CACNA2D1: variants seen among roughly 807,000 people sequenced by gnomAD.
CACNA2D1 encodes the protein calcium voltage-gated channel auxiliary subunit alpha2delta 1.
In CACNA2D1, 53 loss-of-function variants were observed where a neutral mutation model predicts 171.5. The ratio of observed to expected loss-of-function variants is 0.31; its 90% CI spans 0.25 to 0.39. The LOEUF is 0.39. Ranked by LOEUF, CACNA2D1 falls within the 10% of genes least tolerant of loss-of-function variation. The pLI, the probability that CACNA2D1 is intolerant of heterozygous loss-of-function variation, is 1.00. For missense variants in CACNA2D1, 903 were observed against 1,299.8 expected (o/e 0.69, Z 4.69); for synonymous variants, 442 against 443.1 (o/e 1.00, Z 0.03).
rs144098365 is a variant in CACNA2D1 at position 82,336,272 on chromosome 7, C to T, written c.178-1021G>A. On this transcript the variant is annotated intron_variant, in intron 2 of 38. Transcript: ENST00000356860. ...AGGTTCTACAGTATGATCCCAGCTGCGCACTGATAACACTGGTGAATACTG... is the reference window on the plus strand; with the variant it reads ...AGGTTCTACAGTATGATCCCAGCTGTGCACTGATAACACTGGTGAATACTG... Among the ~76,000 whole-genome samples the T allele has an allele frequency of 3.3e-3, 505 of 152,256 alleles. 16 individuals are homozygous for T. In the South Asian group the frequency reaches 0.077, roughly 23 times the overall value.
chr7:82,170,100 TATTC>T (rs1795860532), intron 4 of CACNA2D1, among the ~76,000 whole-genome samples: 1 of 151,926 alleles, frequency 6.6e-6, no homozygotes. Flanking sequence ...AAGTTGAATA[TATTC>T]ATTCTCACTT....
At chr7:82,119,418 T>C (rs1789458191) in intron 5 of CACNA2D1, among the ~76,000 whole-genome samples, 1 of 152,202 alleles carries the variant, frequency 6.6e-6, no homozygotes, top group African/African-American at 2.4e-5. Flanking sequence ...AAGCTAATGT[T>C]GGATGAGGAG....
At chr7:82,323,255 C>T (rs1476909229) in intron 3 of CACNA2D1, among the ~76,000 whole-genome samples, 1 of 150,962 alleles carries the variant, frequency 6.6e-6, no homozygotes, top group East Asian at 1.9e-4. Context: ...GGCGAGCTTG[C>T]TATGTTGTTA....
intron 3 of CACNA2D1, among the ~76,000 whole-genome samples, chr7:82,284,779 G>C (rs762117751): frequency 1.3e-5 from 2 of 152,066 alleles, no homozygotes; most frequent in Non-Finnish European, 2.9e-5. Flanking sequence ...TCCAATATAG[G>C]AGTTGTGGAG....
At chr7:82,071,797 T>C (rs1439661486) in intron 7 of CACNA2D1, among the ~76,000 whole-genome samples, 3 of 152,324 alleles carry the variant, frequency 2.0e-5, no homozygotes, top group East Asian at 3.9e-4. Context: ...AGCCATGTGA[T>C]CAAATTCTAG....
At chr7:82,001,682 T>G in intron 18 of CACNA2D1, 1 of 1,269,092 alleles carries the variant, frequency 7.9e-7, no homozygotes, top group Non-Finnish European at 1.0e-6. Flanking sequence ...CTCCTTTTTC[T>G]TAAATTAATT....
At chr7:82,234,813 A>T (rs1328546702) in intron 3 of CACNA2D1, among the ~76,000 whole-genome samples, 1 of 152,196 alleles carries the variant, frequency 6.6e-6, no homozygotes, top group Non-Finnish European at 1.5e-5. Flanking sequence ...TTCCCCATAC[A>T]TGTTACACAT....
At chr7:82,052,564 T>C (rs1000414158) in intron 10 of CACNA2D1, among the ~76,000 whole-genome samples, 1 of 152,134 alleles carries the variant, frequency 6.6e-6, no homozygotes, top group African/African-American at 2.4e-5. Context: ...AGACAGTATA[T>C]ACTCAAAATA....
At chr7:82,069,518 A>G (rs1808060949) in intron 7 of CACNA2D1, among the ~76,000 whole-genome samples, 1 of 152,158 alleles carries the variant, frequency 6.6e-6, no homozygotes, top group Non-Finnish European at 1.5e-5. Context: ...TACTAAATCT[A>G]CTGGTCTACC....
intron 3 of CACNA2D1, among the ~76,000 whole-genome samples, chr7:82,217,549 A>G (rs1801279522): frequency 1.3e-5 from 2 of 150,596 alleles, no homozygotes; most frequent in Admixed American, 1.3e-4. Flanking sequence ...GAAAATGTCA[A>G]GTAGAACTAT....
rs567549195 is a variant in CACNA2D1 at position 82,400,504 on chromosome 7, G to C, written c.95+42861C>G. On this transcript the variant is annotated intron_variant, in intron 1 of 38. Transcript: ENST00000356860. ...TGCTGGGAAAACTGGCTAGCCATAT[G>C]TAGAAAGCTAAAACTGGATCCCTTC... Among the ~76,000 whole-genome samples, 608 of 152,060 alleles carry C rather than the reference G, an allele frequency of 4.0e-3. 10 individuals are homozygous for C. Among genetic ancestry groups the C allele is most frequent in the African/African-American group, 0.013 (548 of 41,516 alleles).
intron 3 of CACNA2D1, among the ~76,000 whole-genome samples, chr7:82,278,740 T>C (rs1809691477): frequency 6.6e-6 from 1 of 152,016 alleles, no homozygotes; most frequent in Non-Finnish European, 1.5e-5. Flanking sequence ...ACCTACAAGA[T>C]TGTAATTGAA....
At chr7:82,412,954 T>C (rs569073539) in intron 1 of CACNA2D1, among the ~76,000 whole-genome samples, 1 of 152,128 alleles carries the variant, frequency 6.6e-6, no homozygotes, top group Non-Finnish European at 1.5e-5. Flanking sequence ...AAAGTGTTTA[T>C]AAGCCATTCA....
chr7:81,977,685 G>C (rs1013598673), intron 24 of CACNA2D1, among the ~76,000 whole-genome samples: 18 of 152,118 alleles, frequency 1.2e-4, no homozygotes, highest in African/African-American at 4.1e-4. Flanking sequence ...CATGGGCAAA[G>C]CCTTCATAAC....
intron 3 of CACNA2D1, among the ~76,000 whole-genome samples, chr7:82,188,734 AC>A (rs1798007091): frequency 6.6e-6 from 1 of 152,148 alleles, no homozygotes; most frequent in Non-Finnish European, 1.5e-5. Context: ...TCTTCACAGC[AC>A]TATTCATAAT....
rs138331326 is a variant in CACNA2D1, at chr7:81,950,414, C to T, written c.3254G>A (p.Gly1085Asp). Reference protein sequence around the residue: ...IQFLLLWLVSGSTHRLL With the variant: ...IQFLLLWLVSDSTHRLL ...AGGTCATAACAGGCGGTGTGTGCTGCCAGATACCAGCCAAAGTAGTAGAAA... is the reference window on the plus strand; with the variant it reads ...AGGTCATAACAGGCGGTGTGTGCTGTCAGATACCAGCCAAAGTAGTAGAAA... Residue 1085 changes from glycine (G) to aspartate (D), a missense_variant, in exon 39 of 39, where the codon GGC (glycine) becomes GAC (aspartate). Physicochemically the swap from Gly to Asp is moderately conservative, Grantham distance 94 (BLOSUM62 -1). Transcript: ENST00000356860. 2.0e-5 allele frequency: 32 copies of T among 1,612,996 alleles called. No homozygotes were observed. The highest frequency in any genetic ancestry group is 2.6e-5 in the Non-Finnish European group (31 of 1,179,564).
intron 3 of CACNA2D1, among the ~76,000 whole-genome samples, chr7:82,278,337 G>A (rs1809624128): frequency 6.6e-6 from 1 of 152,028 alleles, no homozygotes; most frequent in Admixed American, 6.5e-5. Flanking sequence ...CCAGCACTTT[G>A]GGAGGCCAAG....
intron 1 of CACNA2D1, among the ~76,000 whole-genome samples, chr7:82,358,318 A>G (rs183919395): frequency 2.0e-3 from 312 of 152,350 alleles, no homozygotes; most frequent in African/African-American, 7.1e-3. Context: ...TGCTTTTCTT[A>G]TAACATGGAT....
At chr7:82,123,849 TACTAGGTAGTAAATAG>T (rs1241072120) in intron 5 of CACNA2D1, among the ~76,000 whole-genome samples, 2 of 152,178 alleles carry the variant, frequency 1.3e-5, no homozygotes, top group Non-Finnish European at 2.9e-5. Flanking sequence ...ACTTATTCTA[TACTAGGTAGTAAATAG>T]ACTAGGTAGT....
Sources: allele counts gnomAD v4.1 joint callset (sites outside exome capture counted in the v4.1 genomes callset), GRCh38; gene constraint gnomAD v4.1.1; transcripts MANE v1.5; gene names NCBI Gene and HGNC (gene_info 2026-07-23, HGNC 2026-07-21).